CD84: variants seen among roughly 807,000 people sequenced by gnomAD.
The protein encoded by CD84 is SLAM family member 5.
A neutral mutation model predicts 33.8 loss-of-function variants in CD84; 22 were observed. The observed-to-expected ratio is 0.65, with a 90% CI of 0.46 to 0.93. The LOEUF (loss-of-function observed/expected upper bound fraction) is 0.93, where lower values mean the gene tolerates loss of function less well. Among genes scored for constraint, CD84 ranks in the 40% least tolerant of loss-of-function variants. The pLI, the probability that CD84 is intolerant of heterozygous loss-of-function variation, is 0.00. For missense variants in CD84, 400 were observed against 397.6 expected, an observed-to-expected ratio of 1.01 and a Z score of -0.05; for synonymous variants, 154 against 145.2, an observed-to-expected ratio of 1.06 and a Z score of -0.44.
At position 160,541,858 on chromosome 1, in the gene CD84, C is replaced by T. The variant is rs3816146; in HGVS notation, c.*6398G>A. 0.48 allele frequency: 73,222 copies of T among 152,026 alleles called. 19,867 individuals are homozygous for T. Among genetic ancestry groups the T allele is most frequent in the East Asian group, 0.67 (3,449 of 5,186 alleles). 9.4% of individuals were successfully genotyped at this position (152,026 alleles called of 1,614,324 possible). ...GATTGCTCTTTATGTAATAGCAACC[C>T]AGGTAACACGTGATAAAGCAATGAT... On this transcript the variant is annotated 3_prime_UTR_variant, in exon 7 of 7. Coordinates refer to ENST00000368054, the MANE Select transcript of CD84 (RefSeq NM_003874.4).
Position 160,560,648 on chromosome 1 carries a change from G to A in CD84, c.388+4756C>T, listed in dbSNP as rs554059767. ...AAGATGAGAAATAATAAAGATCAGG[G>A]CTGAACTGAAGGAGACAGAGACACA... On this transcript the variant is annotated intron_variant, in intron 2 of 6. Coordinates refer to ENST00000368054, the MANE Select transcript of CD84 (RefSeq NM_003874.4). Among the ~76,000 whole-genome samples the A allele has an allele frequency of 5.3e-5, 8 of 152,088 alleles. No individual in the cohort carries two copies. In the South Asian group the frequency reaches 1.7e-3, roughly 32 times the overall value.
intron 1 of CD84, among the ~76,000 whole-genome samples, chr1:160,567,245 G>A (rs1446271500): frequency 2.0e-5 from 3 of 152,116 alleles, no homozygotes; most frequent in Admixed American, 6.5e-5. Context: ...AAGTATACAC[G>A]TCCCTTGAAA....
chr1:160,551,585 G>A (rs1656226923), intron 4 of CD84, among the ~76,000 whole-genome samples: 1 of 152,128 alleles, frequency 6.6e-6, no homozygotes, highest in Admixed American at 6.5e-5. Context: ...TGTCACCCAC[G>A]TTGGAGTGCA....
chr1:160,568,609 C>T (rs555601028), intron 1 of CD84, among the ~76,000 whole-genome samples: 19 of 152,122 alleles, frequency 1.2e-4, no homozygotes, highest in African/African-American at 4.3e-4. Flanking sequence ...GTCACAAAAC[C>T]TTTCTTATTT....
rs779428193 is a variant in CD84, at chr1:160,565,560, G to A, written c.232C>T (p.His78Tyr). 2 of 1,613,922 alleles carry A rather than the reference G, an allele frequency of 1.2e-6. No homozygotes were observed. The highest frequency in any genetic ancestry group is 1.7e-6 in the Non-Finnish European group (2 of 1,179,896). Residue 78 changes from histidine to tyrosine, a missense_variant, in exon 2 of 7, where the codon CAC becomes TAC. Physicochemically the swap from His to Tyr is moderately conservative, Grantham distance 83 (BLOSUM62 2). Transcript: ENST00000368054. The part of the protein sequence containing the change: ...SETAPVVTVT[H>Y]RNYYERIHAL... ...TGTATCCGTTCATAATAATTTCTGT[G>A]GGTCACAGTAACTACGGGTGCTGTT...
chr1:160,571,189 A>G (rs2102199695), intron 1 of CD84: 1 of 152,274 alleles, frequency 6.6e-6, no homozygotes. Flanking sequence ...GCGGGTTTAG[A>G]GATCATCCAC....
intron 1 of CD84, among the ~76,000 whole-genome samples, chr1:160,570,612 A>T (rs1277859943): frequency 6.6e-6 from 1 of 152,140 alleles, no homozygotes; most frequent in Non-Finnish European, 1.5e-5. Flanking sequence ...TGTAATCCCA[A>T]CACTTTGGGA....
chr1:160,553,591 G>T, intron 3 of CD84, 94 bp from the exon 4 acceptor site: 1 of 1,456,274 alleles, frequency 6.9e-7, no homozygotes, highest in Non-Finnish European at 9.6e-7. Flanking sequence ...TATGAAAATT[G>T]GGTGCCCTCC....
Position 160,547,157 on chromosome 1 carries a change from C to A in CD84, c.*1099G>T, listed in dbSNP as rs56273561. On this transcript the variant is annotated 3_prime_UTR_variant, in exon 7 of 7. Coordinates refer to ENST00000368054, the MANE Select transcript of CD84 (RefSeq NM_003874.4). ...TGGGGCATGCCAGGGTGGCGGCACT[C>A]TGCCTCAGCTTAAACTCTAGTTCTC... 0.015 allele frequency: 6,013 copies of A among 398,872 alleles called. 85 individuals are homozygous for A. The highest frequency in any genetic ancestry group is 0.046 in the African/African-American group (2,261 of 48,736). The allele number at this position is 398,872 out of a possible 1,614,324, so 24.7% of individuals were successfully genotyped here.
Position 160,558,158 on chromosome 1 carries a change from C to T in CD84, c.389-4012G>A, listed in dbSNP as rs534960437. 1.6e-4 allele frequency among the ~76,000 whole-genome samples: 25 copies of T among 152,298 alleles called. No individual in the cohort carries two copies. The South Asian group carries it at 4.6e-3, about 28-fold the overall frequency. On this transcript the variant is annotated intron_variant, in intron 2 of 6. Transcript: ENST00000368054. ...CCAGACTGATTCTTTTTGTGGGTCC[C>T]TGATCCTGTTCCTCCTGACAGGTTG...
At chr1:160,567,927 T>G (rs1475523567) in intron 1 of CD84, among the ~76,000 whole-genome samples, 1 of 152,172 alleles carries the variant, frequency 6.6e-6, no homozygotes, top group Non-Finnish European at 1.5e-5. Flanking sequence ...GACCCTGAAC[T>G]GGACTTAAGG....
intron 2 of CD84, among the ~76,000 whole-genome samples, chr1:160,564,773 G>A (rs577227641): frequency 6.6e-6 from 1 of 152,338 alleles, no homozygotes; most frequent in East Asian, 1.9e-4. Context: ...AGATGGAGAT[G>A]TGGCTATAAA....
intron 2 of CD84, among the ~76,000 whole-genome samples, chr1:160,555,205 C>A (rs1463662860): frequency 1.3e-5 from 2 of 151,628 alleles, no homozygotes; most frequent in Non-Finnish European, 2.9e-5. Flanking sequence ...CTCAGCCTCC[C>A]GAGGAGTAGC....
intron 2 of CD84, among the ~76,000 whole-genome samples, chr1:160,563,527 A>G (rs1175764667): frequency 1.3e-5 from 2 of 152,164 alleles, no homozygotes; most frequent in Non-Finnish European, 2.9e-5. Context: ...GTTCTCACTT[A>G]TAAGTGGGAG....
chr1:160,560,119 T>C (rs1194068732), intron 2 of CD84, among the ~76,000 whole-genome samples: 1 of 152,106 alleles, frequency 6.6e-6, no homozygotes. Flanking sequence ...ATTCAGAACC[T>C]AAACTCAGCT....
chr1:160,564,385 C>T (rs1190992361), intron 2 of CD84, among the ~76,000 whole-genome samples: 1 of 152,190 alleles, frequency 6.6e-6, no homozygotes, highest in East Asian at 1.9e-4. Context: ...GCTGTAAATG[C>T]CCTTATCATA....
In CD84 at chr1:160,541,580, C is replaced by T. The variant is rs968144072; in HGVS notation, c.*6676G>A. ...CTTTGGACGGGAGGTTTTAGAAGGC[C>T]GCACAAGAGGGATATTCAGTCTGAT... On this transcript the variant is annotated 3_prime_UTR_variant, in exon 7 of 7. Coordinates refer to ENST00000368054, the MANE Select transcript of CD84 (RefSeq NM_003874.4). 3.9e-5 allele frequency: 6 copies of T among 152,008 alleles called. No homozygotes were observed. Among genetic ancestry groups the T allele is most frequent in the African/African-American group, 1.2e-4 (5 of 41,338 alleles). 9.4% of individuals were successfully genotyped at this position (152,008 alleles called of 1,614,324 possible). A position where few individuals can be genotyped will look rare whatever the true frequency, so the allele number is the denominator to read the frequency against.
At chr1:160,548,370 G>A in intron 6 of CD84, 49 bp from the exon 7 acceptor site, 1 of 1,598,280 alleles carries the variant, frequency 6.3e-7, no homozygotes, top group African/African-American at 1.3e-5. Flanking sequence ...GGTGCTGCTG[G>A]GGAACTCCAG....
chr1:160,575,160 A>T (rs1468133678), intron 1 of CD84, among the ~76,000 whole-genome samples: 1 of 152,050 alleles, frequency 6.6e-6, no homozygotes, highest in East Asian at 1.9e-4. Flanking sequence ...TTCTCCACCC[A>T]CTGCCTCCTA....
Sources: allele counts gnomAD v4.1 joint callset (sites outside exome capture counted in the v4.1 genomes callset), GRCh38; gene constraint gnomAD v4.1.1; transcripts MANE v1.5; gene names NCBI Gene and HGNC (gene_info 2026-07-23, HGNC 2026-07-21).